The following SUFU variants were observed in gnomAD, a reference collection of about 807,000 sequenced individuals.
SUFU encodes SUFU negative regulator of hedgehog signaling.
In SUFU, 7 loss-of-function variants were observed where a neutral mutation model predicts 58.9. That is an observed-to-expected ratio of 0.12 (90% CI 0.07 to 0.22). The LOEUF is 0.22. SUFU is among the 10% of genes least tolerant of loss of function. SUFU has a pLI of 1.00. For missense variants in SUFU, 451 were observed against 641.3 expected (o/e 0.70, Z 3.20); for synonymous variants, 232 against 254.8 (o/e 0.91, Z 0.85).
chr10:102,552,659 A>G (rs970934817), intron 3 of SUFU, among the ~76,000 whole-genome samples: 6 of 152,206 alleles, frequency 3.9e-5, no homozygotes, highest in Admixed American at 2.0e-4. Flanking sequence ...AATTCCCTGG[A>G]TGTGATTATG....
chr10:102,620,009 C>T (rs1031704529), intron 10 of SUFU, among the ~76,000 whole-genome samples: 37 of 152,332 alleles, frequency 2.4e-4, no homozygotes, highest in Admixed American at 1.9e-3. Flanking sequence ...CCCAGGGTTC[C>T]GAGGTGTCTT....
intron 2 of SUFU, among the ~76,000 whole-genome samples, chr10:102,538,006 C>T (rs1317904231): frequency 3.3e-5 from 5 of 152,196 alleles, no homozygotes; most frequent in African/African-American, 1.2e-4. Flanking sequence ...TATCATCTTA[C>T]ATTTCCACCA....
At chr10:102,503,421 T>C (rs1012715377), upstream of SUFU, among the ~76,000 whole-genome samples, 1 of 152,194 alleles carries the variant, frequency 6.6e-6, no homozygotes, top group African/African-American at 2.4e-5. Context: ...AGTATCTCTT[T>C]AATTTTCATA....
chr10:102,552,372 G>A (rs1184221755), intron 3 of SUFU, among the ~76,000 whole-genome samples: 5 of 152,020 alleles, frequency 3.3e-5, no homozygotes, highest in Admixed American at 3.3e-4. Context: ...GGTTGAGGCT[G>A]CAGTGAGCCA....
At chr10:102,613,143 G>T (rs1430197273) in intron 8 of SUFU, among the ~76,000 whole-genome samples, 2 of 152,196 alleles carry the variant, frequency 1.3e-5, no homozygotes, top group South Asian at 2.1e-4. Flanking sequence ...GGTGAGGGGG[G>T]ACGCGTCACC....
chr10:102,549,511 T>C (rs1340739813), intron 2 of SUFU, among the ~76,000 whole-genome samples: 1 of 152,198 alleles, frequency 6.6e-6, no homozygotes, highest in Non-Finnish European at 1.5e-5. Context: ...AGATGAGATT[T>C]GGGTGGGGAC....
At chr10:102,585,040 G>GC (rs2063322553) in intron 3 of SUFU, among the ~76,000 whole-genome samples, 1 of 152,230 alleles carries the variant, frequency 6.6e-6, no homozygotes, top group Non-Finnish European at 1.5e-5. Context: ...CTGTGCCTGG[G>GC]GTGGTGGGAA....
rs2063496910 is a variant in SUFU at position 102,599,554 on chromosome 10, C to T, written c.1022+10C>T. ...CCCACGACCGGGCCCCGTAAGTTCC[C>T]CAGTGTCCCTGGGCTGGAACAAGAG... On this transcript the variant is annotated intron_variant, in intron 8 of 11. Coordinates refer to ENST00000369902, the MANE Select transcript of SUFU (RefSeq NM_016169.4). 2 of 1,612,464 alleles carry T rather than the reference C, an allele frequency of 1.2e-6. No homozygotes were observed. Among genetic ancestry groups the T allele is most frequent in the African/African-American group, 2.7e-5 (2 of 74,900 alleles).
intron 3 of SUFU, among the ~76,000 whole-genome samples, chr10:102,572,481 C>T (rs1362199733): frequency 6.6e-6 from 1 of 150,984 alleles, no homozygotes; most frequent in African/African-American, 2.4e-5. Context: ...CCTCTGCCAC[C>T]CGGGTTCAAG....
chr10:102,578,799 A>C (rs899220695), intron 3 of SUFU, among the ~76,000 whole-genome samples: 2 of 151,270 alleles, frequency 1.3e-5, no homozygotes, highest in African/African-American at 4.9e-5. Context: ...TGAACCTGGG[A>C]GGCAGAGGTT....
chr10:102,549,205 GAT>G (rs1375018641), intron 2 of SUFU, among the ~76,000 whole-genome samples: 2 of 152,172 alleles, frequency 1.3e-5, no homozygotes, highest in Admixed American at 1.3e-4. Context: ...TTCTCACACT[GAT>G]ATAAAGACAT....
chr10:102,609,026 C>T (rs898373471), intron 8 of SUFU, among the ~76,000 whole-genome samples: 8 of 152,146 alleles, frequency 5.3e-5, no homozygotes, highest in Admixed American at 1.3e-4. Flanking sequence ...CTTGAAACCC[C>T]GGAAGAAAAG....
chr10:102,531,535 A>G (rs2062677928), intron 2 of SUFU, among the ~76,000 whole-genome samples: 1 of 152,126 alleles, frequency 6.6e-6, no homozygotes, highest in Admixed American at 6.6e-5. Flanking sequence ...GGGGTGTACA[A>G]AGGGGTAAAT....
intron 2 of SUFU, among the ~76,000 whole-genome samples, chr10:102,523,752 C>T (rs577494838): frequency 5.6e-4 from 85 of 152,320 alleles, no homozygotes; most frequent in Non-Finnish European, 9.3e-4. Context: ...AGGGAGCCTT[C>T]GGAGTTAGAC....
intron 2 of SUFU, among the ~76,000 whole-genome samples, chr10:102,527,282 G>T (rs763907804): frequency 2.0e-5 from 3 of 151,980 alleles, no homozygotes; most frequent in Non-Finnish European, 4.4e-5. Flanking sequence ...GATTACAGGC[G>T]TGAGCCACCG....
Position 102,583,772 on chromosome 10 carries a change from T to C in SUFU, c.455-8810T>C, listed in dbSNP as rs370539835. Reference sequence around the variant, plus strand: ...GCACAACGTGCAGGTTTGTTGCATATGTATACATGTGCCATGTTGGTGTGC... The same window carrying C: ...GCACAACGTGCAGGTTTGTTGCATACGTATACATGTGCCATGTTGGTGTGC... On this transcript the variant is annotated intron_variant, in intron 3 of 11. Transcript: ENST00000369902. 5.9e-5 allele frequency among the ~76,000 whole-genome samples: 9 copies of C among 152,212 alleles called. No individual in the cohort carries two copies. In the East Asian group the frequency reaches 9.7e-4, roughly 16 times the overall value.
chr10:102,545,299 T>TC (rs2062843786), intron 2 of SUFU, among the ~76,000 whole-genome samples: 1 of 148,896 alleles, frequency 6.7e-6, no homozygotes, highest in South Asian at 2.1e-4. Flanking sequence ...TTGTATTTTT[T>TC]TTTTTTTTTT....
At chr10:102,513,294 C>T (rs748991876) in intron 2 of SUFU, among the ~76,000 whole-genome samples, 10 of 152,168 alleles carry the variant, frequency 6.6e-5, no homozygotes, top group Non-Finnish European at 1.2e-4. Flanking sequence ...TGCCATCCAG[C>T]TTAAGTGCTA....
At position 102,625,616 on chromosome 10, in the gene SUFU, A is replaced by G. The variant is rs2063778736; in HGVS notation, c.1297-1559A>G. Among the ~76,000 whole-genome samples the G allele has an allele frequency of 6.6e-6, 1 of 152,114 alleles. No individual in the cohort carries two copies. Among genetic ancestry groups the G allele is most frequent in the Non-Finnish European group, 1.5e-5 (1 of 68,004 alleles). ...AATTGAGAGTCCAGACATGATCAGG[A>G]TATGGTCTTAACCACTCACAAGCCG... is the stretch of plus-strand genomic sequence containing the variant. On this transcript the variant is annotated intron_variant, in intron 10 of 11. Coordinates refer to ENST00000369902, the MANE Select transcript of SUFU (RefSeq NM_016169.4). This position sits in a 1 kb window ranked among gnomAD's most constrained non-coding sequence, Gnocchi z 4.7.
Sources: gnomAD v4.1 joint callset for allele counts (sites outside exome capture counted in the v4.1 genomes callset) on GRCh38, gnomAD v4.1.1 for gene constraint, Gnocchi (gnomAD v3.1) non-coding constraint, MANE v1.5 for transcripts, NCBI Gene and HGNC (gene_info 2026-07-23, HGNC 2026-07-21) for gene names.